Variants in REG3A observed in about 807,000 individuals in gnomAD.
REG3A encodes the protein regenerating family member 3 alpha.
REG3A carries 15 observed loss-of-function variants against 20.5 expected under a neutral mutation model. The ratio of observed to expected loss-of-function variants is 0.73; its 90% confidence interval spans 0.49 to 1.12. The LOEUF (loss-of-function observed/expected upper bound fraction) is 1.12, where lower values mean the gene tolerates loss of function less well. Ranked by LOEUF, REG3A falls within the 50% of genes most tolerant of loss-of-function variation. The probability of loss-of-function intolerance (pLI) is 0.00; values close to 1 mark genes in which losing one functional copy is unlikely to be tolerated. For missense variants in REG3A, 224 were observed against 213.1 expected (o/e 1.05, Z -0.32); for synonymous variants, 93 against 83.2 (o/e 1.12, Z -0.64).
intron 4 of REG3A, 52 bp downstream of exon 4, chr2:79,158,274 G>T: frequency 1.3e-6 from 2 of 1,587,228 alleles, no homozygotes; most frequent in African/African-American, 1.3e-5. Context: ...GAGTGGGCCT[G>T]GGCAACAATA....
intron 2 of REG3A, chr2:79,159,051 T>C (rs1673386459): frequency 3.5e-6 from 2 of 577,172 alleles, no homozygotes; most frequent in African/African-American, 3.7e-5. Flanking sequence ...CCTCCCCACA[T>C]CTCATTACTG....
rs1558558497 is a variant in REG3A, at chr2:79,158,631, C to T, written c.195+20G>A. ...TCCCCCTGAGACCGGTCACCTCCAA[C>T]ACCACATCTAACCACTCACATCTGC... On this transcript the variant is annotated intron_variant, in intron 3 of 5. Coordinates refer to ENST00000305165, the MANE Select transcript of REG3A (RefSeq NM_002580.3). 6.2e-7 allele frequency: 1 copy of T among 1,613,254 alleles called. No individual in the cohort carries two copies. Among genetic ancestry groups the T allele is most frequent in the Non-Finnish European group, 8.5e-7 (1 of 1,179,160 alleles).
In REG3A at chr2:79,158,672, T is replaced by C. The variant is rs1298692114; in HGVS notation, c.174A>G (p.Pro58=). The C allele has an allele frequency of 3.7e-6, 6 of 1,614,080 alleles. No individual in the cohort carries two copies. The Admixed American group carries it at 1.0e-4, about 27-fold the overall frequency. ...TCACATCTGCATCTGTCCAGGATTT[T>C]GGTGACAAAAACAAGGCATAGCAGT... ...GSHCYALFLS[P]KSWTDADLAC... The change falls in exon 3 of 6, where the codon CCA becomes CCG. Residue 58 remains proline, a synonymous_variant. Transcript: ENST00000305165.
At chr2:79,158,945 C>T in intron 2 of REG3A, 176 bp from the exon 3 acceptor site, 2 of 611,546 alleles carry the variant, frequency 3.3e-6, no homozygotes, top group South Asian at 2.0e-5. Context: ...GTAAATGGAG[C>T]ACCATCCAGT....
At chr2:79,159,001 A>G in intron 2 of REG3A, 1 of 579,988 alleles carries the variant, frequency 1.7e-6, no homozygotes. Flanking sequence ...TACTCTCCTC[A>G]CTCTGGGCTG....
intron 3 of REG3A, 31 bp downstream of exon 3, chr2:79,158,620 G>C (rs1673372382): frequency 6.2e-7 from 1 of 1,612,112 alleles, no homozygotes; most frequent in Non-Finnish European, 8.5e-7. Flanking sequence ...CCTGAGACCG[G>C]TCACCTCCAA....
At chr2:79,158,805 G>T in intron 2 of REG3A, 36 bp from the exon 3 acceptor site, 2 of 1,551,372 alleles carry the variant, frequency 1.3e-6, no homozygotes, top group Non-Finnish European at 1.8e-6. Flanking sequence ...GTAAAATGAA[G>T]AGTGGGGCTT....
chr2:79,158,426 G>C lies in REG3A; in HGVS notation c.233C>G (p.Ser78Cys). The C allele has an allele frequency of 6.2e-7, 1 of 1,614,192 alleles. No individual in the cohort carries two copies. Among genetic ancestry groups the C allele is most frequent in the Non-Finnish European group, 8.5e-7 (1 of 1,180,036 alleles). Residue 78 changes from serine to cysteine, a missense_variant, in exon 4 of 6, where the codon TCT becomes TGT. Transcript: ENST00000305165. Reference protein sequence around the residue: ...CQKRPSGNLVSVLSGAEGSFV... With the variant: ...CQKRPSGNLVCVLSGAEGSFV... ...GGATCCCTCAGCCCCACTGAGCACA[G>C]ACACCAGGTTTCCAGAGGGCCGCTT...
chr2:79,157,158 T>G lies in REG3A; in HGVS notation c.*68A>C. On this transcript the variant is annotated 3_prime_UTR_variant, in exon 6 of 6. Coordinates refer to ENST00000305165, the MANE Select transcript of REG3A (RefSeq NM_002580.3). ...AGCGAATATTCTCTTCCAGGGTGAG[T>G]CCTCACACTGGTCTCATGCCCATGA... 2 of 1,192,358 alleles carry G rather than the reference T, an allele frequency of 1.7e-6. No individual in the cohort carries two copies. The highest frequency in any genetic ancestry group is 2.5e-6 in the Non-Finnish European group (2 of 795,768). The allele number at this position is 1,192,358 out of a possible 1,614,324, so 73.9% of individuals were successfully genotyped here. A position where few individuals can be genotyped will look rare whatever the true frequency, so the allele number is the denominator to read the frequency against.
At chr2:79,157,783 G>T in intron 4 of REG3A, 85 bp from the exon 5 acceptor site, 2 of 1,526,472 alleles carry the variant, frequency 1.3e-6, no homozygotes, top group African/African-American at 1.4e-5. Context: ...CACCTGATTT[G>T]CTCCCCAGCA....
Position 79,158,700 on chromosome 2 carries a change from G to C in REG3A, c.146C>G (p.Ser49Cys). The C allele has an allele frequency of 6.2e-7, 1 of 1,614,086 alleles. No individual in the cohort carries two copies. The highest frequency in any genetic ancestry group is 8.5e-7 in the Non-Finnish European group (1 of 1,180,010). ...RCPKGSKAYG[S>C]HCYALFLSPK... ...TGACAAAAACAAGGCATAGCAGTGGGAGCCATAGGCCTTGGAGCCTTTGGG... is the reference window on the plus strand; with the variant it reads ...TGACAAAAACAAGGCATAGCAGTGGCAGCCATAGGCCTTGGAGCCTTTGGG... The change falls in exon 3 of 6, where the codon TCC becomes TGC. Residue 49 changes from serine to cysteine, a missense_variant. By Grantham distance (112) the Ser-to-Cys change is moderately radical. Transcript: ENST00000305165.
intron 3 of REG3A, 63 bp from the exon 4 acceptor site, chr2:79,158,526 G>A: frequency 1.2e-6 from 2 of 1,609,084 alleles, no homozygotes; most frequent in Admixed American, 1.7e-5. Context: ...GCAGGGCAAA[G>A]GTAGGTGGGA....
At position 79,157,138 on chromosome 2, in the gene REG3A, A is replaced by T. The variant is rs1673332426; in HGVS notation, c.*88T>A. Reference sequence around the variant, plus strand: ...TGGTCAGGTTGGGGGAATTAAGCGAATATTCTCTTCCAGGGTGAGTCCTCA... The same window carrying T: ...TGGTCAGGTTGGGGGAATTAAGCGATTATTCTCTTCCAGGGTGAGTCCTCA... On this transcript the variant is annotated 3_prime_UTR_variant, in exon 6 of 6. Coordinates refer to ENST00000305165, the MANE Select transcript of REG3A (RefSeq NM_002580.3). 2.0e-6 allele frequency: 2 copies of T among 1,018,658 alleles called. No homozygotes were observed. Among genetic ancestry groups the T allele is most frequent in the Non-Finnish European group, 3.1e-6 (2 of 643,174 alleles). The allele number at this position is 1,018,658 out of a possible 1,614,324, so 63.1% of individuals were successfully genotyped here. A position where few individuals can be genotyped will look rare whatever the true frequency, so the allele number is the denominator to read the frequency against.
chr2:79,158,487 A>G (rs1381827799), intron 3 of REG3A, 24 bp from the exon 4 acceptor site: 2 of 1,613,590 alleles, frequency 1.2e-6, no homozygotes, highest in Admixed American at 3.3e-5. Flanking sequence ...AAAGAGAATG[A>G]GAGGGAGCCT....
chr2:79,159,373 A>G lies in REG3A; in HGVS notation c.33T>C (p.Ser11=), dbSNP rs377029307. The change falls in exon 2 of 6, where the codon TCT becomes TCC. Residue 11 remains serine (S), a synonymous_variant. Transcript: ENST00000305165. ...GCATGAGGCAGGAAAGCAGCATCCA[A>G]GATACACTGGGCAGGGCCATGGGAG... The part of the protein sequence containing the change: MLPPMALPSV[S]WMLLSCLMLL... The G allele has an allele frequency of 6.2e-7, 1 of 1,613,922 alleles. No individual in the cohort carries two copies. The highest frequency in any genetic ancestry group is 8.5e-7 in the Non-Finnish European group (1 of 1,179,958).
Position 79,158,716 on chromosome 2 carries a change from A to T in REG3A, c.130T>A (p.Ser44Thr), listed in dbSNP as rs770292081. Residue 44 changes from serine (S) to threonine (T), a missense_variant, in exon 3 of 6, where the codon TCC (serine) becomes ACC (threonine). Transcript: ENST00000305165. ...PSARIRCPKG[S>T]KAYGSHCYAL... ...TAGCAGTGGGAGCCATAGGCCTTGG[A>T]GCCTTTGGGACAGCGGATCCGTGCA... The T allele has an allele frequency of 6.2e-7, 1 of 1,613,752 alleles. No homozygotes were observed. Among genetic ancestry groups the T allele is most frequent in the Non-Finnish European group, 8.5e-7 (1 of 1,179,948 alleles).
intron 1 of REG3A, 78 bp from the exon 2 acceptor site, chr2:79,159,517 G>A (rs1029155029): frequency 6.0e-6 from 6 of 999,070 alleles, no homozygotes; most frequent in Non-Finnish European, 7.7e-6. Context: ...AGTCCCCTAG[G>A]ACTAAAGTGA....
chr2:79,159,653 A>T (rs1673404010), intron 1 of REG3A, 75 bp downstream of exon 1: 1 of 504,564 alleles, frequency 2.0e-6, no homozygotes, highest in Non-Finnish European at 3.6e-6. Context: ...TGAGGAAGGG[A>T]CCCTCCCATG....
rs747243184 is a variant in REG3A at position 79,158,753 on chromosome 2, C to A, written c.93G>T (p.Arg31Ser). 2.5e-6 allele frequency: 4 copies of A among 1,613,860 alleles called. No homozygotes were observed. Among genetic ancestry groups the A allele is most frequent in the Non-Finnish European group, 3.4e-6 (4 of 1,179,896 alleles). The change falls in exon 3 of 6, where the codon AGG (arginine) becomes AGT (serine). Residue 31 changes from arginine (R) to serine (S), a missense_variant. Physicochemically the swap from Arg to Ser is moderately radical, Grantham distance 110. Transcript: ENST00000305165. ...AGCGGATCCGTGCAGAGGGCAGTTCCCTCTGGGGTTCTTCACCTGAGGTGG... is the reference window on the plus strand; with the variant it reads ...AGCGGATCCGTGCAGAGGGCAGTTCACTCTGGGGTTCTTCACCTGAGGTGG... Reference protein sequence around the residue: ...LSQVQGEEPQRELPSARIRCP... With the variant: ...LSQVQGEEPQSELPSARIRCP...
Sources: allele counts gnomAD v4.1 joint callset, GRCh38; gene constraint gnomAD v4.1.1; transcripts MANE v1.5; gene names NCBI Gene and HGNC (gene_info 2026-07-23, HGNC 2026-07-21).